SCOC: variants seen among roughly 807,000 people sequenced by gnomAD.
The protein encoded by SCOC is short coiled coil protein.
In SCOC, 7 loss-of-function variants were observed where a neutral mutation model predicts 9.9. The ratio of observed to expected loss-of-function variants is 0.71; its 90% CI spans 0.40 to 1.33. The LOEUF is 1.33. SCOC is among the 40% of genes most tolerant of loss of function. The pLI is 0.01. For synonymous variants in SCOC, 19 were observed against 28.2 expected, an observed-to-expected ratio of 0.67 and a Z score of 1.03; for missense variants, 66 against 89.7, an observed-to-expected ratio of 0.74 and a Z score of 1.07.
intron 1 of SCOC, among the ~76,000 whole-genome samples, chr4:140,277,842 T>G (rs1053817060): frequency 1.6e-4 from 24 of 152,156 alleles, no homozygotes; most frequent in African/African-American, 5.6e-4. Context: ...TGGATGTAAC[T>G]TATAGGATTA....
chr4:140,277,154 A>G (rs1731002748), intron 1 of SCOC, among the ~76,000 whole-genome samples: 1 of 152,208 alleles, frequency 6.6e-6, no homozygotes, highest in Non-Finnish European at 1.5e-5. Context: ...TTCACTTCTC[A>G]GAGTGTGATT....
At chr4:140,355,222 T>TATATGATATATATATATATATATATATG (rs3034548) in intron 2 of SCOC, among the ~76,000 whole-genome samples, 2 of 33,336 alleles carry the variant, frequency 6.0e-5, no homozygotes, top group African/African-American at 1.4e-4. Flanking sequence ...TATATATATA[T>TATATGATATATATATATATATATATATG]ATATATATAT....
intron 1 of SCOC, among the ~76,000 whole-genome samples, chr4:140,308,732 T>C (rs1449494710): frequency 6.6e-6 from 1 of 152,172 alleles, no homozygotes; most frequent in African/African-American, 2.4e-5. Context: ...CTCTGAGAAG[T>C]GTCTGGAGAA....
chr4:140,359,788 T>C (rs146469157), intron 2 of SCOC, among the ~76,000 whole-genome samples: 6 of 152,190 alleles, frequency 3.9e-5, no homozygotes, highest in Non-Finnish European at 5.9e-5. Flanking sequence ...GTCCTTCAGA[T>C]GCTTTGTACT....
chr4:140,291,810 C>T (rs1731481629), intron 1 of SCOC, among the ~76,000 whole-genome samples: 1 of 152,206 alleles, frequency 6.6e-6, no homozygotes, highest in Non-Finnish European at 1.5e-5. Context: ...GTATCAATGC[C>T]AGCTCAGACC....
chr4:140,325,106 C>T (rs1732609102), intron 1 of SCOC, among the ~76,000 whole-genome samples: 1 of 151,842 alleles, frequency 6.6e-6, no homozygotes, highest in African/African-American at 2.4e-5. Context: ...GAAAATGATG[C>T]CAGAATAGTC....
intron 1 of SCOC, among the ~76,000 whole-genome samples, chr4:140,316,572 T>C (rs1732325653): frequency 6.6e-6 from 1 of 152,148 alleles, no homozygotes. Context: ...TGAACACAGA[T>C]TCTCAGAGAA....
At chr4:140,350,687 T>C (rs1302187479) in intron 2 of SCOC, among the ~76,000 whole-genome samples, 1 of 152,208 alleles carries the variant, frequency 6.6e-6, no homozygotes, top group Non-Finnish European at 1.5e-5. Flanking sequence ...TTGAATCTGT[T>C]AGACTTTGTG....
At chr4:140,362,111 TC>T (rs1727500763) in intron 2 of SCOC, among the ~76,000 whole-genome samples, 2 of 109,420 alleles carry the variant, frequency 1.8e-5, no homozygotes, top group Non-Finnish European at 4.1e-5. Flanking sequence ...TCTTTAGTTT[TC>T]TGCCTTCACT....
intron 1 of SCOC, among the ~76,000 whole-genome samples, chr4:140,270,749 A>T (rs2126401214): frequency 6.6e-6 from 1 of 152,312 alleles, no homozygotes; most frequent in Non-Finnish European, 1.5e-5. Flanking sequence ...TTCACAGATC[A>T]GTTGGTTACT....
chr4:140,369,878 T>A (rs1727973039), upstream of SCOC, among the ~76,000 whole-genome samples: 1 of 109,528 alleles, frequency 9.1e-6, no homozygotes, highest in Non-Finnish European at 1.8e-5. Flanking sequence ...TTTTTTTTTT[T>A]TTTTTTTTTT....
At chr4:140,355,974 A>G (rs1460562779) in intron 2 of SCOC, among the ~76,000 whole-genome samples, 2 of 152,172 alleles carry the variant, frequency 1.3e-5, no homozygotes, top group Non-Finnish European at 2.9e-5. Flanking sequence ...ATGGGTGATA[A>G]TTTTCAGAAG....
intron 2 of SCOC, 48 bp downstream of exon 2, chr4:140,379,240 T>C (rs756895153): frequency 3.0e-5 from 38 of 1,256,746 alleles, no homozygotes; most frequent in Admixed American, 5.1e-5. Context: ...TTGTGGATGC[T>C]TTTGCTTTAT....
Position 140,366,614 on chromosome 4 carries a change from T to A in SCOC, c.71-12507T>A. 1.9e-6 allele frequency: 3 copies of A among 1,606,960 alleles called. No individual in the cohort carries two copies. The East Asian group carries it at 6.7e-5, about 36-fold the overall frequency. ...CATCGTGTGGCTGCCCATTTTGTAT[T>A]GATGTTTGCCTTCTGCCAGGCTTGT... On this transcript the variant is annotated intron_variant, in intron 2 of 4. Coordinates refer to the SCOC transcript ENST00000338517.
At chr4:140,351,399 C>T (rs1279250328) in intron 2 of SCOC, among the ~76,000 whole-genome samples, 1 of 152,100 alleles carries the variant, frequency 6.6e-6, no homozygotes, top group Non-Finnish European at 1.5e-5. Flanking sequence ...TTCCCCTCTT[C>T]ATGCCGGCCC....
At chr4:140,368,972 C>A (rs570580594), upstream of SCOC, among the ~76,000 whole-genome samples, 1 of 151,952 alleles carries the variant, frequency 6.6e-6, no homozygotes, top group South Asian at 2.1e-4. Flanking sequence ...TGCACAGAAT[C>A]ATTCCTAATT....
rs1728167494 is a variant in SCOC at position 140,373,647 on chromosome 4, T to A, written c.-121T>A. ...GGCGGAGTGGGCGGAGCTGCCGGGG[T>A]CAGTTGGTCCAAGTGTCCCGGCCTG... is the stretch of plus-strand genomic sequence containing the variant. On this transcript the variant is annotated 5_prime_UTR_variant, in exon 1 of 4. Transcript: ENST00000608372. The A allele has an allele frequency of 6.4e-7, 1 of 1,551,088 alleles. No individual in the cohort carries two copies.
chr4:140,335,050 G>A (rs1732920895), intron 1 of SCOC, among the ~76,000 whole-genome samples: 1 of 152,058 alleles, frequency 6.6e-6, no homozygotes, highest in Admixed American at 6.6e-5. Flanking sequence ...TGTATGTTTA[G>A]GTATATATAC....
intron 1 of SCOC, among the ~76,000 whole-genome samples, chr4:140,269,400 G>A (rs952859935): frequency 2.0e-5 from 3 of 152,046 alleles, no homozygotes; most frequent in South Asian, 2.1e-4. Context: ...CTAAGCTGCC[G>A]TGTAAGGCAT....
Sources: gnomAD v4.1 joint callset for allele counts (sites outside exome capture counted in the v4.1 genomes callset) on GRCh38, gnomAD v4.1.1 for gene constraint, MANE v1.5 for transcripts, NCBI Gene and HGNC (gene_info 2026-07-23, HGNC 2026-07-21) for gene names.